The following ANTXRL variants were observed in gnomAD, a reference collection of about 807,000 sequenced individuals.
ANTXRL encodes the protein anthrax toxin receptor-like.
ANTXRL carries 63 observed loss-of-function variants against 75.4 expected under a neutral mutation model. The ratio of observed to expected loss-of-function variants is 0.84; its 90% CI spans 0.68 to 1.03. The LOEUF (loss-of-function observed/expected upper bound fraction) is 1.03, where lower values mean the gene tolerates loss of function less well. ANTXRL is among the 50% of genes least tolerant of loss of function. The pLI, the probability that ANTXRL is intolerant of heterozygous loss-of-function variation, is 0.00. For synonymous variants in ANTXRL, 335 were observed against 291.3 expected (o/e 1.15, Z -1.53); for missense variants, 797 against 789.4 (o/e 1.01, Z -0.12).
At position 46,296,625 on chromosome 10, in the gene ANTXRL, G is replaced by A. The variant is rs137895328; in HGVS notation, c.508+373G>A. Reference sequence around the variant, plus strand: ...CGAGTGACTTGCATCCCCTGACCCTGTCTCATATGGTACAGAAGGCTGTCC... The same window carrying A: ...CGAGTGACTTGCATCCCCTGACCCTATCTCATATGGTACAGAAGGCTGTCC... On this transcript the variant is annotated intron_variant, in intron 5 of 16. Transcript: ENST00000620264. Among the ~76,000 whole-genome samples the A allele has an allele frequency of 1.6e-3, 237 of 152,228 alleles. 3 individuals are homozygous for A. The South Asian group carries it at 0.016, about 10-fold the overall frequency.
At chr10:46,295,692 G>A (rs1249538487) in intron 3 of ANTXRL, among the ~76,000 whole-genome samples, 1 of 152,008 alleles carries the variant, frequency 6.6e-6, no homozygotes, top group Non-Finnish European at 1.5e-5. Context: ...TAGGGTTAGG[G>A]TTAGGTTTAG....
At chr10:46,286,142 C>T (rs1400206611), upstream of ANTXRL, among the ~76,000 whole-genome samples, 3 of 152,086 alleles carry the variant, frequency 2.0e-5, no homozygotes, top group Non-Finnish European at 4.4e-5. Flanking sequence ...ACATTCTTTC[C>T]CTAGAGAGGG....
intron 16 of ANTXRL, among the ~76,000 whole-genome samples, chr10:46,326,438 C>A (rs577438778): frequency 1.3e-5 from 2 of 152,236 alleles, no homozygotes; most frequent in South Asian, 4.1e-4. Flanking sequence ...CCAACTCCTT[C>A]TGGGAGTGGC....
intron 3 of ANTXRL, 149 bp downstream of exon 3, chr10:46,294,049 C>T: frequency 1.5e-6 from 1 of 668,472 alleles, no homozygotes; most frequent in East Asian, 2.8e-5. Context: ...CCCACCTGAC[C>T]TTAGCCCCGG....
At position 46,310,452 on chromosome 10, in the gene ANTXRL, A is replaced by G; in HGVS notation, c.1135-9A>G. 1 of 1,536,284 alleles carries G rather than the reference A, an allele frequency of 6.5e-7. No homozygotes were observed. Among genetic ancestry groups the G allele is most frequent in the South Asian group, 1.2e-5 (1 of 84,050 alleles). On this transcript the variant is annotated splice_polypyrimidine_tract_variant and intron_variant, in intron 13 of 16. Coordinates refer to ENST00000620264, the MANE Select transcript of ANTXRL (RefSeq NM_001278688.3). ...TCCAGCCTGTGTTTGTCTCTTTTGA[A>G]CATTCTAGACTGTCAAGGAGCCACC...
At chr10:46,316,565 G>T (rs7076022) in intron 16 of ANTXRL, among the ~76,000 whole-genome samples, 6,951 of 152,088 alleles carry the variant, frequency 0.046, 546 homozygotes, top group African/African-American at 0.16. Context: ...TTAGTGATGG[G>T]CTCAACATGG....
At chr10:46,318,003 C>T (rs1293467509) in intron 16 of ANTXRL, among the ~76,000 whole-genome samples, 1 of 152,108 alleles carries the variant, frequency 6.6e-6, no homozygotes, top group Admixed American at 6.6e-5. Flanking sequence ...TGGAGGTCTC[C>T]TCTACTGTGA....
intron 14 of ANTXRL, 69 bp from the exon 15 acceptor site, chr10:46,311,441 C>G (rs1243031636): frequency 7.0e-7 from 1 of 1,427,034 alleles, no homozygotes; most frequent in African/African-American, 1.5e-5. Context: ...TCCCCAGACA[C>G]ACATCTGGGA....
intron 1 of ANTXRL, 91 bp from the exon 2 acceptor site, chr10:46,291,967 A>T: frequency 8.1e-7 from 1 of 1,229,580 alleles, no homozygotes; most frequent in Non-Finnish European, 1.1e-6. Flanking sequence ...AGAGCTTGTT[A>T]AGAGCCTGCT....
At chr10:46,305,212 G>A (rs1220548461) in intron 10 of ANTXRL, among the ~76,000 whole-genome samples, 1 of 152,254 alleles carries the variant, frequency 6.6e-6, no homozygotes, top group Admixed American at 6.5e-5. Flanking sequence ...CAGCCTGGAG[G>A]TGCAGTTCAG....
chr10:46,319,135 A>G (rs1838866466), intron 16 of ANTXRL, among the ~76,000 whole-genome samples: 1 of 152,134 alleles, frequency 6.6e-6, no homozygotes, highest in Admixed American at 6.5e-5. Context: ...CATATGTGAG[A>G]ACTCAAGTAT....
upstream of ANTXRL, among the ~76,000 whole-genome samples, chr10:46,286,699 C>T (rs1397290076): frequency 6.6e-6 from 1 of 152,180 alleles, no homozygotes; most frequent in Non-Finnish European, 1.5e-5. Context: ...CTGCCATCTC[C>T]TGGGGGACTT....
At chr10:46,294,771 G>A (rs12767996) in intron 3 of ANTXRL, among the ~76,000 whole-genome samples, 56,878 of 148,626 alleles carry the variant, frequency 0.38, 9,411 homozygotes, top group Non-Finnish European at 0.45. Context: ...ATGGCCAGAG[G>A]AAGGCCAGGG....
Position 46,297,409 on chromosome 10 carries a change from CA to C in ANTXRL, c.593del (p.Lys198ArgfsTer22). The C allele has an allele frequency of 2.6e-6, 4 of 1,535,968 alleles. No homozygotes were observed. The highest frequency in any genetic ancestry group is 2.6e-6 in the Non-Finnish European group (3 of 1,146,776). On this transcript the variant is annotated frameshift_variant, in exon 7 of 17. Transcript: ENST00000620264. LOFTEE classifies it high-confidence loss of function. ...TGCAATGCCTTCTTTCCCTTAGGCTCAAAAGGCTCGGAAACTGGGGGCCAAC... is the reference window on the plus strand; with the variant it reads ...TGCAATGCCTTCTTTCCCTTAGGCTCAAAGGCTCGGAAACTGGGGGCCAAC... ...HAFQDTLREA[Q>X]KARKLGANVY... is the part of the protein sequence containing the mutation.
chr10:46,328,313 G>A (rs530729694), intron 16 of ANTXRL, among the ~76,000 whole-genome samples: 9 of 152,260 alleles, frequency 5.9e-5, no homozygotes, highest in African/African-American at 2.2e-4. Flanking sequence ...GAGCAGCTCT[G>A]AGAAAGATTG....
At position 46,299,694 on chromosome 10, in the gene ANTXRL, C is replaced by T. The variant is rs113620539; in HGVS notation, c.796+1632C>T. Among the ~76,000 whole-genome samples, 993 of 152,324 alleles carry T rather than the reference C, an allele frequency of 6.5e-3. 6 individuals carry two copies. Among genetic ancestry groups the T allele is most frequent in the African/African-American group, 0.023 (961 of 41,554 alleles). On this transcript the variant is annotated intron_variant, in intron 9 of 16. Transcript: ENST00000620264. ...CTGAGCTCTGCTCTCCATGGGCACA[C>T]GACCAGGAGCAAATTGTCCAATGTC...
intron 12 of ANTXRL, chr10:46,308,534 T>C (rs1838237161): frequency 6.9e-6 from 3 of 436,048 alleles, no homozygotes; most frequent in South Asian, 4.9e-5. Flanking sequence ...CCAAGATTCC[T>C]TTATTGCGAA....
intron 1 of ANTXRL, among the ~76,000 whole-genome samples, chr10:46,289,003 C>A (rs1321683560): frequency 6.6e-6 from 1 of 152,172 alleles, no homozygotes; most frequent in Non-Finnish European, 1.5e-5. Flanking sequence ...CCAGATAGAC[C>A]ATGGTGCTGA....
intron 1 of ANTXRL, 149 bp from the exon 2 acceptor site, chr10:46,291,909 C>A: frequency 4.4e-6 from 3 of 681,994 alleles, no homozygotes; most frequent in Non-Finnish European, 7.5e-6. Context: ...TCGGATGATC[C>A]AGTGGCCACT....
Sources: gnomAD v4.1 joint callset for allele counts (sites outside exome capture counted in the v4.1 genomes callset) on GRCh38, gnomAD v4.1.1 for gene constraint, MANE v1.5 for transcripts, NCBI Gene and HGNC (gene_info 2026-07-23, HGNC 2026-07-21) for gene names.